Variants in ABCA10 observed in about 807,000 individuals in gnomAD.
The protein encoded by ABCA10 is ATP-binding cassette sub-family A member 10.
ABCA10 carries 169 observed loss-of-function variants against 187.5 expected under a neutral mutation model. The ratio of observed to expected loss-of-function variants is 0.90; its 90% CI spans 0.80 to 1.02. The LOEUF is 1.02. ABCA10 is among the 50% of genes least tolerant of loss of function. ABCA10 has a pLI of 0.00. For missense variants in ABCA10, 1,727 were observed against 1,812.4 expected (o/e 0.95, Z 0.86); for synonymous variants, 574 against 601.8 (o/e 0.95, Z 0.68).
At chr17:69,195,948 A>G (rs904029344) in intron 11 of ABCA10, among the ~76,000 whole-genome samples, 17 of 152,164 alleles carry the variant, frequency 1.1e-4, no homozygotes, top group African/African-American at 4.1e-4. Flanking sequence ...GGAGTCTCCC[A>G]TGTCTACTTC....
chr17:69,231,943 A>G (rs1004426744), upstream of ABCA10, among the ~76,000 whole-genome samples: 33 of 152,074 alleles, frequency 2.2e-4, no homozygotes, highest in African/African-American at 8.0e-4. Flanking sequence ...TGTTGAGTAC[A>G]TATGTATTTA....
rs147895987 is a variant in ABCA10 at position 69,173,805 on chromosome 17, A to G, written c.3162+476T>C. The stretch of plus-strand genomic sequence containing the variant: ...GCCTGAAGTAATAAGTAAATTATTT[A>G]TTAAGAAAACAGTTTCTTATTTATT... On this transcript the variant is annotated intron_variant, in intron 25 of 38. Transcript: ENST00000690296. Among the ~76,000 whole-genome samples the G allele has an allele frequency of 4.5e-4, 69 of 152,290 alleles. 1 individual carries two copies. The highest frequency in any genetic ancestry group is 1.6e-3 in the African/African-American group (68 of 41,590).
chr17:69,190,901 T>C (rs1427054106), intron 17 of ABCA10, among the ~76,000 whole-genome samples: 1 of 152,080 alleles, frequency 6.6e-6, no homozygotes, highest in Non-Finnish European at 1.5e-5. Context: ...TTCATCTGTA[T>C]TTCTAACAGA....
intron 11 of ABCA10, 23 bp downstream of exon 11, chr17:69,197,041 G>A (rs992863563): frequency 4.6e-6 from 7 of 1,537,486 alleles, no homozygotes; most frequent in Non-Finnish European, 6.2e-6. Flanking sequence ...AGAGGGAGAG[G>A]GAGAGGGAGT....
rs760977714 is a variant in ABCA10 at position 69,192,664 on chromosome 17, A to C, written c.1781-11T>G. The C allele has an allele frequency of 1.0e-5, 16 of 1,600,480 alleles. 1 individual carries two copies. The South Asian group carries it at 1.8e-4, about 18-fold the overall frequency. On this transcript the variant is annotated splice_polypyrimidine_tract_variant and intron_variant, in intron 15 of 38. Coordinates refer to ENST00000690296, the MANE Select transcript of ABCA10 (RefSeq NM_001377321.1). ...GAAATACTTTCCTATCTGAGTAGAA[A>C]GGAAGATTCAAAAAATTATGTGAAG...
chr17:69,236,382 C>G (rs1055531943), intron 1 of ABCA10, among the ~76,000 whole-genome samples: 3 of 152,140 alleles, frequency 2.0e-5, no homozygotes, highest in African/African-American at 7.2e-5. Flanking sequence ...TATTCAAAGA[C>G]AACCTAAGAT....
At chr17:69,197,766 G>A (rs978796113) in intron 10 of ABCA10, among the ~76,000 whole-genome samples, 4 of 151,842 alleles carry the variant, frequency 2.6e-5, no homozygotes, top group South Asian at 4.1e-4. Flanking sequence ...TTACTATTCC[G>A]TTTTGGCGTA....
At position 69,182,177 on chromosome 17, in the gene ABCA10, T is replaced by C. The variant is rs779597566; in HGVS notation, c.2745A>G (p.Gln915=). The change falls in exon 22 of 39, where the codon CAA becomes CAG. Residue 915 remains glutamine (Q), a synonymous_variant. Transcript: ENST00000690296. ...CACGAGAAAATGAAGTGCTCTCCAT[T>C]TGAATAAGCTCCGTGAAGTTAAAAA... ...MGIFNFTELI[Q]MESTSFSRDD... 1.9e-6 allele frequency: 3 copies of C among 1,586,692 alleles called. No individual in the cohort carries two copies. The highest frequency in any genetic ancestry group is 1.8e-5 in the Admixed American group (1 of 56,856).
In ABCA10 at chr17:69,156,910, C is replaced by G; in HGVS notation, c.3377G>C (p.Ser1126Thr). The G allele has an allele frequency of 1.3e-6, 2 of 1,578,520 alleles. No individual in the cohort carries two copies. The highest frequency in any genetic ancestry group is 1.7e-6 in the Non-Finnish European group (2 of 1,161,634). Residue 1126 changes from serine (S) to threonine (T), a missense_variant, in exon 28 of 39, where the codon AGT becomes ACT. Ser to Thr is a moderately conservative substitution (Grantham distance 58). Transcript: ENST00000690296. ...CCTTATGACAAAAAGGAAAATAACA[C>G]TCTGAAGGTATGGCTAAAAGAAAAG... ...LLTTLIPYLQ[S>T]VIFLFVIRCL...
intron 37 of ABCA10, 30 bp from the exon 38 acceptor site, chr17:69,149,118 T>G: frequency 6.2e-7 from 1 of 1,611,840 alleles, no homozygotes; most frequent in South Asian, 1.1e-5. Context: ...CATTAGTGGC[T>G]TATATATTTT....
upstream of ABCA10, chr17:69,233,306 T>C (rs898887185): frequency 6.6e-6 from 1 of 152,202 alleles, no homozygotes; most frequent in Non-Finnish European, 1.5e-5. Context: ...GTCTTTGAGT[T>C]CCCTAATGTT....
intron 11 of ABCA10, among the ~76,000 whole-genome samples, chr17:69,196,676 G>A (rs2074506299): frequency 6.6e-6 from 1 of 152,206 alleles, no homozygotes; most frequent in South Asian, 2.1e-4. Flanking sequence ...GGGAGGTGGA[G>A]GTTGTAGCGA....
At chr17:69,175,016 A>T (rs972804249) in intron 23 of ABCA10, among the ~76,000 whole-genome samples, 1 of 152,166 alleles carries the variant, frequency 6.6e-6, no homozygotes, top group African/African-American at 2.4e-5. Flanking sequence ...GAAGATGACT[A>T]CACTATATAT....
At chr17:69,158,864 A>T (rs1044094174) in intron 27 of ABCA10, among the ~76,000 whole-genome samples, 8 of 152,066 alleles carry the variant, frequency 5.3e-5, no homozygotes, top group Non-Finnish European at 1.0e-4. Flanking sequence ...GAATATCAAC[A>T]CAATCAGTCC....
intron 10 of ABCA10, among the ~76,000 whole-genome samples, chr17:69,201,247 G>C (rs1466145574): frequency 6.6e-6 from 1 of 152,126 alleles, no homozygotes; most frequent in East Asian, 1.9e-4. Flanking sequence ...AGCAGAGAGG[G>C]AGTATAAGTA....
chr17:69,213,384 T>G (rs1251247974), intron 9 of ABCA10, among the ~76,000 whole-genome samples: 1 of 120,146 alleles, frequency 8.3e-6, no homozygotes, highest in Non-Finnish European at 1.7e-5. Context: ...GGGCTTGCTG[T>G]GACCACTGTG....
intron 3 of ABCA10, among the ~76,000 whole-genome samples, chr17:69,223,953 A>C (rs1163053807): frequency 6.6e-6 from 1 of 152,182 alleles, no homozygotes; most frequent in African/African-American, 2.4e-5. Context: ...AGGCTTCAGT[A>C]AATGCTTCAT....
intron 3 of ABCA10, chr17:69,223,748 A>G: frequency 2.6e-6 from 1 of 389,908 alleles, no homozygotes; most frequent in Non-Finnish European, 5.0e-6. Flanking sequence ...CAAACCATGA[A>G]TATTTATGCT....
At chr17:69,190,313 T>C (rs1568061912) in intron 18 of ABCA10, 45 bp downstream of exon 18, 14 of 1,509,860 alleles carry the variant, frequency 9.3e-6, no homozygotes, top group African/African-American at 1.4e-5. Context: ...TCTTTTTCTC[T>C]TCTCTTTTTT....
Sources: allele counts gnomAD v4.1 joint callset (sites outside exome capture counted in the v4.1 genomes callset), GRCh38; gene constraint gnomAD v4.1.1; transcripts MANE v1.5; gene names NCBI Gene and HGNC (gene_info 2026-07-23, HGNC 2026-07-21).